Variants in IRF8 observed in about 807,000 individuals in gnomAD.
The protein encoded by IRF8 is interferon regulatory factor 8, also known as interferon consensus sequence binding protein 1.
A neutral mutation model predicts 48.7 loss-of-function variants in IRF8; 14 were observed. That is an observed-to-expected ratio of 0.29 (90% CI 0.19 to 0.45). The LOEUF is 0.45. Ranked by LOEUF, IRF8 falls within the 20% of genes least tolerant of loss-of-function variation. The pLI, the probability that IRF8 is intolerant of heterozygous loss-of-function variation, is 1.00. For missense variants in IRF8, 493 were observed against 580.7 expected (o/e 0.85, Z 1.55); for synonymous variants, 278 against 227.3 (o/e 1.22, Z -2.01).
chr16:85,919,297 T>TA (rs1331937364), intron 7 of IRF8, among the ~76,000 whole-genome samples: 1 of 152,172 alleles, frequency 6.6e-6, no homozygotes, highest in Non-Finnish European at 1.5e-5. Flanking sequence ...TAGCTTTCGT[T>TA]ACGCTGTAGG....
chr16:85,911,524 G>A (rs769284316), intron 3 of IRF8, 46 bp from the exon 4 acceptor site: 2 of 1,488,428 alleles, frequency 1.3e-6, no homozygotes, highest in East Asian at 4.5e-5. Flanking sequence ...CAAAGGCTGT[G>A]ATGCCTCCGT....
chr16:85,899,325 T>C (rs2152097172), intron 1 of IRF8, 102 bp downstream of exon 1: 1 of 152,350 alleles, frequency 6.6e-6, no homozygotes, highest in African/African-American at 2.4e-5. Context: ...CCTACCGTAA[T>C]GTCCCCGGGC....
chr16:85,903,419 GA>G, intron 2 of IRF8: 1 of 548,244 alleles, frequency 1.8e-6, no homozygotes, highest in Non-Finnish European at 3.3e-6. Context: ...CTGATGAGGA[GA>G]TCGAAGGCTC....
intron 1 of IRF8, among the ~76,000 whole-genome samples, chr16:85,899,695 A>G (rs533517247): frequency 2.6e-5 from 4 of 152,316 alleles, no homozygotes; most frequent in African/African-American, 2.4e-5. Context: ...AATTCTGTTT[A>G]ATGACAGTCA....
At chr16:85,899,942 T>G (rs78700931) in intron 1 of IRF8, among the ~76,000 whole-genome samples, 3,639 of 152,286 alleles carry the variant, frequency 0.024, 138 homozygotes, top group African/African-American at 0.084. Flanking sequence ...GACTGAATTT[T>G]CCAGAATTTT....
In IRF8 at chr16:85,918,580, C is replaced by T. The variant is rs759805702; in HGVS notation, c.765C>T (p.Ala255=). ...TGGAGCTGGTGCGCTTCCCGCCGGC[C>T]GACGCCATCCCCAGCGAGCGACAGA... is the stretch of plus-strand genomic sequence containing the variant. ...EGLELVRFPP[A]DAIPSERQRQ... The change falls in exon 7 of 9, where the codon GCC becomes GCT. Residue 255 remains alanine (A), a synonymous_variant. Coordinates refer to ENST00000268638, the MANE Select transcript of IRF8 (RefSeq NM_002163.4). 47 of 1,605,576 alleles carry T rather than the reference C, an allele frequency of 2.9e-5. No homozygotes were observed. Among genetic ancestry groups the T allele is most frequent in the South Asian group, 6.6e-5 (6 of 90,972 alleles).
chr16:85,913,440 C>T (rs1229558971), intron 5 of IRF8: 3 of 598,384 alleles, frequency 5.0e-6, no homozygotes, highest in East Asian at 2.9e-5. Context: ...CCCTGCTCTC[C>T]GCTGCTTCTC....
rs946088433 is a variant in IRF8, at chr16:85,922,011, A to G, written c.*729A>G. ...TTTCTGTCATGAAATCATTCCAGAT[A>G]CCTCTTTTCTTCTTTCCAAATGGTT... On this transcript the variant is annotated 3_prime_UTR_variant, in exon 9 of 9. Coordinates refer to ENST00000268638, the MANE Select transcript of IRF8 (RefSeq NM_002163.4). The G allele has an allele frequency of 1.3e-5, 2 of 152,312 alleles. No homozygotes were observed. The highest frequency in any genetic ancestry group is 2.4e-5 in the African/African-American group (1 of 41,392). 9.4% of individuals were successfully genotyped at this position (152,312 alleles called of 1,614,324 possible). A position where few individuals can be genotyped will look rare whatever the true frequency, so the allele number is the denominator to read the frequency against.
intron 1 of IRF8, chr16:85,901,119 G>C (rs1191365587): frequency 6.6e-6 from 1 of 152,332 alleles, no homozygotes; most frequent in Non-Finnish European, 1.5e-5. Flanking sequence ...GTGTGGGGGG[G>C]TCTTTGGTAT....
chr16:85,899,514 G>GAA (rs1316054822), intron 1 of IRF8, among the ~76,000 whole-genome samples: 1 of 152,192 alleles, frequency 6.6e-6, no homozygotes, highest in Non-Finnish European at 1.5e-5. Context: ...AACGTTAGGA[G>GAA]AGCTCATATA....
At chr16:85,909,290 A>C (rs973861037) in intron 3 of IRF8, 117 bp downstream of exon 3, 11 of 803,158 alleles carry the variant, frequency 1.4e-5, no homozygotes, top group Non-Finnish European at 2.3e-5. Flanking sequence ...TCAGTTAAAC[A>C]AAGCAGTTCT....
In IRF8 at chr16:85,921,277, G is replaced by A; in HGVS notation, c.1276G>A (p.Val426Ile). The A allele has an allele frequency of 1.2e-6, 2 of 1,613,680 alleles. No individual in the cohort carries two copies. The highest frequency in any genetic ancestry group is 1.7e-5 in the Admixed American group (1 of 60,038). ...SFFRENQQITV is the reference protein window; with the variant it reads ...SFFRENQQITI ...TTTCAGAGAAAACCAACAGATCACC[G>A]TCTAAGTGCGTCGCTTGGGCGCCCC... is the stretch of plus-strand genomic sequence containing the variant. Residue 426 changes from valine (V) to isoleucine (I), a missense_variant, in exon 9 of 9, where the codon GTC becomes ATC. Transcript: ENST00000268638.
At chr16:85,904,269 T>G (rs1904920581) in intron 2 of IRF8, among the ~76,000 whole-genome samples, 3 of 145,218 alleles carry the variant, frequency 2.1e-5, no homozygotes, top group Admixed American at 1.4e-4. Context: ...GAGGGGAGAG[T>G]GAGTGTGGGA....
intron 3 of IRF8, among the ~76,000 whole-genome samples, chr16:85,910,494 A>G (rs899359142): frequency 6.6e-6 from 1 of 152,148 alleles, no homozygotes; most frequent in African/African-American, 2.4e-5. Context: ...AATTTTTTTT[A>G]TCACCAAAAA....
At chr16:85,913,302 C>A (rs927026739) in intron 5 of IRF8, 66 bp downstream of exon 5, 3 of 1,163,834 alleles carry the variant, frequency 2.6e-6, no homozygotes, top group Admixed American at 3.4e-5. Context: ...TTCCACCAGC[C>A]AGGGACGGAG....
chr16:85,913,812 A>C (rs189504999), intron 5 of IRF8, among the ~76,000 whole-genome samples: 23 of 152,358 alleles, frequency 1.5e-4, no homozygotes, highest in African/African-American at 5.3e-4. Flanking sequence ...CCATGGGGTC[A>C]CGAGGGTTAA....
chr16:85,899,492 G>A (rs1904753567), intron 1 of IRF8, among the ~76,000 whole-genome samples: 4 of 152,284 alleles, frequency 2.6e-5, no homozygotes, highest in African/African-American at 7.2e-5. Flanking sequence ...TTTAAATCTG[G>A]TTTACATGGA....
In IRF8 at chr16:85,911,580, C is replaced by T. The variant is rs777835591; in HGVS notation, c.369C>T (p.Gly123=). ...VPEEEQKCKL[G]VATAGCVNEV... is the part of the protein sequence containing the mutation. ...TCTGGTTTTCTGTAGGCAAACTAGG[C>T]GTGGCAACTGCTGGCTGCGTGAATG... Residue 123 remains glycine, a synonymous_variant, in exon 4 of 9, where the codon GGC becomes GGT. Transcript: ENST00000268638. The T allele has an allele frequency of 8.7e-6, 14 of 1,613,798 alleles. No individual in the cohort carries two copies. The highest frequency in any genetic ancestry group is 3.3e-5 in the Admixed American group (2 of 60,012).
At chr16:85,905,924 A>C (rs959052813) in intron 2 of IRF8, among the ~76,000 whole-genome samples, 1 of 152,244 alleles carries the variant, frequency 6.6e-6, no homozygotes, top group African/African-American at 2.4e-5. Context: ...GGCCGGCCTC[A>C]TGGTATAGAT....
Sources: allele counts gnomAD v4.1 joint callset (sites outside exome capture counted in the v4.1 genomes callset), GRCh38; gene constraint gnomAD v4.1.1; transcripts MANE v1.5; gene names NCBI Gene and HGNC (gene_info 2026-07-23, HGNC 2026-07-21).